ADAM32: variants seen among roughly 807,000 people sequenced by gnomAD.
The protein encoded by ADAM32 is ADAM metallopeptidase domain 32, also known as disintegrin and metalloproteinase domain-containing protein 32.
A neutral mutation model predicts 114.9 loss-of-function variants in ADAM32; 89 were observed. That is an observed-to-expected ratio of 0.77 (90% CI 0.65 to 0.92). ADAM32 has a LOEUF of 0.92. Ranked by LOEUF, ADAM32 falls within the 40% of genes least tolerant of loss-of-function variation. The probability of loss-of-function intolerance (pLI) is 0.00; values close to 1 mark genes in which losing one functional copy is unlikely to be tolerated. For missense variants in ADAM32, 870 were observed against 932.8 expected (o/e 0.93, Z 0.88); for synonymous variants, 285 against 307.5 (o/e 0.93, Z 0.77).
At chr8:39,107,563 G>C, upstream of ADAM32, 1 of 1,351,752 alleles carries the variant, frequency 7.4e-7, no homozygotes, top group Non-Finnish European at 9.6e-7. Context: ...GGGGTGCGCC[G>C]GGAAGGGAGC....
chr8:39,236,433 T>C (rs1810150606), intron 16 of ADAM32, among the ~76,000 whole-genome samples: 1 of 152,200 alleles, frequency 6.6e-6, no homozygotes. Context: ...TAGCCAATCT[T>C]ATTTTATTGA....
intron 23 of ADAM32, among the ~76,000 whole-genome samples, chr8:39,282,889 G>T (rs1365055674): frequency 6.6e-6 from 1 of 152,144 alleles, no homozygotes; most frequent in African/African-American, 2.4e-5. Context: ...TTCATGGTCA[G>T]AGTAGTAGGA....
intron 3 of ADAM32, among the ~76,000 whole-genome samples, chr8:39,137,469 TG>T (rs1480451067): frequency 6.6e-6 from 1 of 151,926 alleles, no homozygotes; most frequent in Non-Finnish European, 1.5e-5. Context: ...AAAAGAGAGA[TG>T]AAAGATGTAA....
At chr8:39,127,660 T>C (rs1408528460) in intron 2 of ADAM32, among the ~76,000 whole-genome samples, 1 of 152,182 alleles carries the variant, frequency 6.6e-6, no homozygotes, top group African/African-American at 2.4e-5. Flanking sequence ...TGAAGGATTT[T>C]TCATATCTCT....
intron 10 of ADAM32, among the ~76,000 whole-genome samples, chr8:39,175,705 G>A (rs1805483195): frequency 6.6e-6 from 1 of 152,146 alleles, no homozygotes; most frequent in South Asian, 2.1e-4. Flanking sequence ...ATGAATTGGG[G>A]AGGAGTCCCT....
At chr8:39,156,965 A>T (rs1273022957) in intron 6 of ADAM32, among the ~76,000 whole-genome samples, 1 of 152,222 alleles carries the variant, frequency 6.6e-6, no homozygotes, top group Non-Finnish European at 1.5e-5. Context: ...GCCTATAATA[A>T]GCAGGCAAGT....
At chr8:39,119,288 C>T (rs1840501218) in intron 2 of ADAM32, among the ~76,000 whole-genome samples, 1 of 152,200 alleles carries the variant, frequency 6.6e-6, no homozygotes, top group Non-Finnish European at 1.5e-5. Context: ...GAAACTGCTA[C>T]ACTGTTTTCC....
intron 6 of ADAM32, among the ~76,000 whole-genome samples, chr8:39,156,121 TAACAA>T (rs1264486010): frequency 6.6e-6 from 1 of 152,148 alleles, no homozygotes; most frequent in Non-Finnish European, 1.5e-5. Flanking sequence ...AAGTGAGGAA[TAACAA>T]AACAAAAATA....
intron 24 of ADAM32, 147 bp downstream of exon 24, chr8:39,283,771 C>CTTTTTTTTTTTTT (rs373085019): frequency 1.2e-5 from 3 of 241,576 alleles, no homozygotes; most frequent in East Asian, 8.5e-5. Context: ...TTCTTTTATT[C>CTTTTTTTTTTTTT]TTTTTTTTTT....
chr8:39,250,552 A>AT (rs1344113284), intron 17 of ADAM32, among the ~76,000 whole-genome samples: 1 of 151,854 alleles, frequency 6.6e-6, no homozygotes, highest in Non-Finnish European at 1.5e-5. Flanking sequence ...TTTTAGTTTT[A>AT]TTTTTTATTG....
intron 16 of ADAM32, among the ~76,000 whole-genome samples, chr8:39,238,277 C>T (rs181636514): frequency 1.3e-5 from 2 of 152,278 alleles, no homozygotes; most frequent in East Asian, 3.9e-4. Context: ...TTCCCAAGTA[C>T]CAACTGAAAG....
intron 7 of ADAM32, among the ~76,000 whole-genome samples, chr8:39,163,182 T>C (rs1191754117): frequency 6.6e-6 from 1 of 152,220 alleles, no homozygotes; most frequent in African/African-American, 2.4e-5. Flanking sequence ...TGTAAGTTGT[T>C]ATACTATAAG....
chr8:39,142,080 T>C (rs1803196562), intron 3 of ADAM32, among the ~76,000 whole-genome samples: 1 of 152,186 alleles, frequency 6.6e-6, no homozygotes, highest in East Asian at 1.9e-4. Flanking sequence ...ATTTTGAGCC[T>C]ATGTGCATTT....
At chr8:39,125,121 G>T (rs1286225977) in intron 2 of ADAM32, among the ~76,000 whole-genome samples, 2 of 152,026 alleles carry the variant, frequency 1.3e-5, no homozygotes, top group African/African-American at 4.8e-5. Context: ...TTTTTCATAT[G>T]TTTGTTGGCC....
chr8:39,235,311 T>A (rs1469537014), intron 16 of ADAM32, among the ~76,000 whole-genome samples: 1 of 152,180 alleles, frequency 6.6e-6, no homozygotes, highest in Non-Finnish European at 1.5e-5. Context: ...TTATTAAGCC[T>A]TGGTATCCTT....
chr8:39,241,365 C>T (rs1810541291), intron 16 of ADAM32, among the ~76,000 whole-genome samples: 1 of 152,248 alleles, frequency 6.6e-6, no homozygotes. Flanking sequence ...CTCATGACTA[C>T]ACTAGGCAGT....
chr8:39,226,185 C>T (rs960196276), intron 14 of ADAM32, among the ~76,000 whole-genome samples: 6 of 151,444 alleles, frequency 4.0e-5, no homozygotes, highest in Non-Finnish European at 5.9e-5. Flanking sequence ...ATATATACAA[C>T]TAGAGGAGAA....
chr8:39,218,997 G>A (rs1480015074), intron 12 of ADAM32, among the ~76,000 whole-genome samples: 2 of 151,980 alleles, frequency 1.3e-5, no homozygotes, highest in Non-Finnish European at 2.9e-5. Flanking sequence ...TTCCCGGATG[G>A]GGTCCTTCCA....
At chr8:39,221,319 G>T in intron 12 of ADAM32, 1 of 247,254 alleles carries the variant, frequency 4.0e-6, no homozygotes, top group Non-Finnish European at 7.8e-6. Flanking sequence ...ATTTTTATAG[G>T]TAGCATATAG....
Sources: gnomAD v4.1 joint callset for allele counts (sites outside exome capture counted in the v4.1 genomes callset) on GRCh38, gnomAD v4.1.1 for gene constraint, MANE v1.5 for transcripts, NCBI Gene and HGNC (gene_info 2026-07-23, HGNC 2026-07-21) for gene names.